Variants in HELZ observed in about 807,000 individuals in gnomAD.
HELZ encodes helicase with zinc finger.
A neutral mutation model predicts 218.2 loss-of-function variants in HELZ; 23 were observed. The ratio of observed to expected loss-of-function variants is 0.11; its 90% CI spans 0.08 to 0.15. The LOEUF (loss-of-function observed/expected upper bound fraction) is 0.15. Among genes scored for constraint, HELZ ranks in the 10% least tolerant of loss-of-function variants. HELZ has a pLI of 1.00. For missense variants in HELZ, 1,813 were observed against 2,353.7 expected, an observed-to-expected ratio of 0.77 and a Z score of 4.75; for synonymous variants, 814 against 829.4, an observed-to-expected ratio of 0.98 and a Z score of 0.32.
At chr17:67,233,052 C>T (rs1426959943) in intron 3 of HELZ, among the ~76,000 whole-genome samples, 1 of 152,104 alleles carries the variant, frequency 6.6e-6, no homozygotes, top group African/African-American at 2.4e-5. Context: ...GAGAATTGCT[C>T]GAACCTGGGA....
intron 3 of HELZ, among the ~76,000 whole-genome samples, chr17:67,238,349 C>CAAAA (rs71368808): frequency 2.1e-5 from 1 of 46,940 alleles, no homozygotes; most frequent in East Asian, 6.8e-4. Context: ...CTCTGTCTCT[C>CAAAA]AAAAAAAAAA....
intron 13 of HELZ, among the ~76,000 whole-genome samples, chr17:67,174,895 T>C (rs2039411650): frequency 6.6e-6 from 1 of 152,190 alleles, no homozygotes; most frequent in Non-Finnish European, 1.5e-5. Flanking sequence ...TCCTACTAAT[T>C]GTGTGGCAGC....
intron 17 of HELZ, among the ~76,000 whole-genome samples, chr17:67,159,574 A>C (rs1442658959): frequency 6.6e-6 from 1 of 152,210 alleles, no homozygotes; most frequent in Non-Finnish European, 1.5e-5. Flanking sequence ...ATTAATTCAT[A>C]TAACAATGAA....
intron 3 of HELZ, among the ~76,000 whole-genome samples, chr17:67,220,104 T>C (rs887371710): frequency 6.6e-6 from 1 of 152,170 alleles, no homozygotes; most frequent in Non-Finnish European, 1.5e-5. Flanking sequence ...CTTTGTCCCT[T>C]CCGCCTGCCT....
chr17:67,146,048 C>T (rs2038486724), intron 20 of HELZ, among the ~76,000 whole-genome samples, 158 bp from the exon 21 acceptor site: 1 of 152,034 alleles, frequency 6.6e-6, no homozygotes, highest in South Asian at 2.1e-4. Flanking sequence ...AGAATTTCTC[C>T]ATAAATAACA....
At chr17:67,220,997 G>A (rs1485499403) in intron 3 of HELZ, among the ~76,000 whole-genome samples, 1 of 152,062 alleles carries the variant, frequency 6.6e-6, no homozygotes, top group African/African-American at 2.4e-5. Flanking sequence ...TGGTATGCAT[G>A]CCTGTTACAC....
In HELZ at chr17:67,109,404, C is replaced by A. The variant is rs956032405; in HGVS notation, c.4201G>T (p.Val1401Leu). The change falls in exon 29 of 33, where the codon GTA becomes TTA. Residue 1401 changes from valine (V) to leucine (L), a missense_variant. Physicochemically the swap from Val to Leu is conservative, Grantham distance 32. Around this residue, in one of 4 missense-constraint regions of HELZ, gnomAD observed 938 missense variants for 1,027.5 expected, o/e 0.91. Transcript: ENST00000358691. ...PNQIPPQPNQ[V>L]VQQQSQLNQQ... ...TTCAACTGACTTTGCTGCTGGACTA[C>A]CTGATTTGGCTGAGGTGGTATCTGA... 1 of 1,614,014 alleles carries A rather than the reference C, an allele frequency of 6.2e-7. No individual in the cohort carries two copies. Among genetic ancestry groups the A allele is most frequent in the African/African-American group, 1.3e-5 (1 of 74,890 alleles).
At chr17:67,218,409 G>A (rs1463329675) in intron 4 of HELZ, among the ~76,000 whole-genome samples, 186 bp downstream of exon 4, 3 of 152,068 alleles carry the variant, frequency 2.0e-5, no homozygotes, top group Non-Finnish European at 4.4e-5. Context: ...AATCCAAAAT[G>A]CCCTAAAGTA....
chr17:67,141,368 A>G (rs1171510671), intron 21 of HELZ, among the ~76,000 whole-genome samples: 1 of 152,106 alleles, frequency 6.6e-6, no homozygotes, highest in African/African-American at 2.4e-5. Flanking sequence ...AGTGAAGGTT[A>G]ATACAGCAAA....
chr17:67,131,106 T>C (rs1421480048), intron 23 of HELZ, among the ~76,000 whole-genome samples: 1 of 152,162 alleles, frequency 6.6e-6, no homozygotes, highest in African/African-American at 2.4e-5. Flanking sequence ...AGGGCTGGTT[T>C]CAAACTCCTG....
chr17:67,110,112 G>C (rs2037236237), intron 28 of HELZ, among the ~76,000 whole-genome samples: 1 of 151,990 alleles, frequency 6.6e-6, no homozygotes, highest in Non-Finnish European at 1.5e-5. Context: ...CTGTCTCCCA[G>C]GCTGCAGTGC....
chr17:67,088,182 C>T (rs1375230404), intron 31 of HELZ, among the ~76,000 whole-genome samples: 1 of 152,172 alleles, frequency 6.6e-6, no homozygotes, highest in Non-Finnish European at 1.5e-5. Flanking sequence ...TTCCACGTTC[C>T]GTCTCAAATG....
chr17:67,140,730 T>C (rs1473784859), intron 21 of HELZ, among the ~76,000 whole-genome samples: 1 of 152,114 alleles, frequency 6.6e-6, no homozygotes, highest in Non-Finnish European at 1.5e-5. Context: ...ACATCCAAGC[T>C]CAATGAACTT....
intron 20 of HELZ, 58 bp from the exon 21 acceptor site, chr17:67,145,948 C>A: frequency 3.4e-6 from 5 of 1,483,418 alleles, no homozygotes; most frequent in South Asian, 2.5e-5. Flanking sequence ...TTAATTTCAC[C>A]CATAAGAAAA....
chr17:67,125,345 T>C lies in HELZ; in HGVS notation c.3388-1331A>G, dbSNP rs868040220. 6.0e-3 allele frequency among the ~76,000 whole-genome samples: 456 copies of C among 76,058 alleles called. 28 individuals carry two copies. Among genetic ancestry groups the C allele is most frequent in the African/African-American group, 0.021 (405 of 18,976 alleles). The allele number at this position is 76,058 out of a possible 152,430, so 49.9% of individuals were successfully genotyped here. On this transcript the variant is annotated intron_variant, in intron 24 of 32. Coordinates refer to ENST00000358691, the MANE Select transcript of HELZ (RefSeq NM_014877.4). ...ATATATATATATATATATATATATATACTTGTGAGGAATAGAGACGTGATA... is the reference window on the plus strand; with the variant it reads ...ATATATATATATATATATATATATACACTTGTGAGGAATAGAGACGTGATA...
At chr17:67,160,226 T>G (rs1277605027) in intron 17 of HELZ, 35 bp downstream of exon 17, 2 of 1,204,674 alleles carry the variant, frequency 1.7e-6, no homozygotes, top group Admixed American at 1.7e-5. Flanking sequence ...TAATAAAGTA[T>G]GATACAGATA....
chr17:67,128,704 G>A lies in HELZ; in HGVS notation c.3334C>T (p.Leu1112=), dbSNP rs1207634802. ...GTACTTCCTGAATGCTGCAGTCTTA[G>A]AGCCCGGGGGATAAATTCAGGTGCC... is the stretch of plus-strand genomic sequence containing the variant. The part of the protein sequence containing the change: ...PLAPEFIPRA[L]RLQHSGSTNK... Residue 1112 remains leucine, a synonymous_variant, in exon 24 of 33, where the codon CTA becomes TTA. Coordinates refer to ENST00000358691, the MANE Select transcript of HELZ (RefSeq NM_014877.4). 3.7e-6 allele frequency: 6 copies of A among 1,614,022 alleles called. No homozygotes were observed. In the African/African-American group the frequency reaches 6.7e-5, roughly 18 times the overall value.
chr17:67,153,946 G>A (rs1246405293), intron 17 of HELZ, among the ~76,000 whole-genome samples: 1 of 152,128 alleles, frequency 6.6e-6, no homozygotes, highest in Non-Finnish European at 1.5e-5. Flanking sequence ...GTGCTTAATT[G>A]GCATGCCTTC....
intron 18 of HELZ, 104 bp from the exon 19 acceptor site, chr17:67,150,089 A>C: frequency 1.5e-6 from 1 of 669,016 alleles, no homozygotes; most frequent in Non-Finnish European, 2.6e-6. Context: ...TTAGTTTGCT[A>C]ATCTAAGAGT....
Sources: gnomAD v4.1 joint callset for allele counts (sites outside exome capture counted in the v4.1 genomes callset) on GRCh38, gnomAD v4.1.1 for gene constraint, gnomAD v4.1.1 regional missense constraint, MANE v1.5 for transcripts, NCBI Gene and HGNC (gene_info 2026-07-23, HGNC 2026-07-21) for gene names.